Variants in CIT observed in about 807,000 individuals in gnomAD.
The protein encoded by CIT is citron rho-interacting serine/threonine kinase.
In CIT, 79 loss-of-function variants were observed where a neutral mutation model predicts 272.7. The observed-to-expected ratio is 0.29, with a 90% CI of 0.24 to 0.35. The LOEUF (loss-of-function observed/expected upper bound fraction) is 0.35, where lower values mean the gene tolerates loss of function less well. CIT is among the 10% of genes least tolerant of loss of function. The pLI is 1.00. For synonymous variants in CIT, 948 were observed against 995.6 expected, an observed-to-expected ratio of 0.95 and a Z score of 0.90; for missense variants, 1,909 against 2,618.3, an observed-to-expected ratio of 0.73 and a Z score of 5.91.
At chr12:119,735,465 T>C (rs1414223204) in intron 24 of CIT, 108 bp from the exon 25 acceptor site, 1 of 1,087,602 alleles carries the variant, frequency 9.2e-7, no homozygotes, top group Admixed American at 1.9e-5. Context: ...GCAATCAACG[T>C]GCCGCTCATG....
intron 40 of CIT, 123 bp from the exon 41 acceptor site, chr12:119,704,578 G>T (rs547236669): frequency 6.2e-5 from 52 of 834,162 alleles, no homozygotes; most frequent in Admixed American, 3.3e-4. Flanking sequence ...TCTGTGTGGT[G>T]GGGGGAGGGC....
intron 22 of CIT, 72 bp downstream of exon 22, chr12:119,757,299 G>T: frequency 6.4e-7 from 1 of 1,564,538 alleles, no homozygotes. Context: ...ATTGATTTGT[G>T]CTCGAAAGCT....
At chr12:119,732,515 G>A (rs1411870004) in intron 26 of CIT, among the ~76,000 whole-genome samples, 2 of 152,144 alleles carry the variant, frequency 1.3e-5, no homozygotes, top group Non-Finnish European at 2.9e-5. Flanking sequence ...GCTGGAATAG[G>A]AGACTTAAAC....
At chr12:119,711,205 GT>G in intron 37 of CIT, 1 of 799,200 alleles carries the variant, frequency 1.3e-6, no homozygotes, top group Non-Finnish European at 1.9e-6. Context: ...GAGGCTTGTG[GT>G]TAAGAATCTG....
intron 46 of CIT, among the ~76,000 whole-genome samples, chr12:119,693,354 C>T (rs780857355): frequency 6.7e-4 from 102 of 152,166 alleles, no homozygotes; most frequent in South Asian, 1.2e-3. Flanking sequence ...AAGAAGTCAG[C>T]GACCAAAAGA....
chr12:119,763,798 A>C (rs1962105246), intron 19 of CIT, among the ~76,000 whole-genome samples: 1 of 152,250 alleles, frequency 6.6e-6, no homozygotes, highest in South Asian at 2.1e-4. Flanking sequence ...AATGAATTAA[A>C]GGCTTGATCC....
intron 32 of CIT, among the ~76,000 whole-genome samples, chr12:119,716,797 T>A (rs928173458): frequency 1.5e-4 from 23 of 152,172 alleles, no homozygotes; most frequent in African/African-American, 5.6e-4. Flanking sequence ...CAGGATGTCC[T>A]CTGCAAGGTG....
chr12:119,756,518 T>C (rs993361727), intron 22 of CIT, among the ~76,000 whole-genome samples: 10 of 152,292 alleles, frequency 6.6e-5, no homozygotes, highest in African/African-American at 2.4e-4. Flanking sequence ...AGTCCCTCCT[T>C]GGCCCGCGGC....
At chr12:119,813,513 G>A (rs1346690848) in intron 9 of CIT, among the ~76,000 whole-genome samples, 1 of 152,170 alleles carries the variant, frequency 6.6e-6, no homozygotes, top group Admixed American at 6.5e-5. Context: ...TTAGAAAGTT[G>A]GCTGCTGAAT....
intron 9 of CIT, among the ~76,000 whole-genome samples, chr12:119,811,907 T>G (rs1453207420): frequency 6.6e-6 from 1 of 151,610 alleles, no homozygotes; most frequent in Non-Finnish European, 1.5e-5. Flanking sequence ...AATTTGGATA[T>G]ACCCAATTTT....
intron 32 of CIT, among the ~76,000 whole-genome samples, chr12:119,715,871 C>T (rs920473750): frequency 1.4e-4 from 21 of 152,096 alleles, no homozygotes; most frequent in African/African-American, 4.6e-4. Flanking sequence ...ACTGACTATA[C>T]GGTAGGCTCT....
intron 30 of CIT, among the ~76,000 whole-genome samples, chr12:119,720,156 G>A (rs1957751093): frequency 6.6e-6 from 1 of 152,292 alleles, no homozygotes; most frequent in Non-Finnish European, 1.5e-5. Flanking sequence ...GCATGACTTG[G>A]TATAAATCTT....
intron 9 of CIT, among the ~76,000 whole-genome samples, chr12:119,818,245 C>G (rs980654685): frequency 3.9e-5 from 6 of 152,026 alleles, no homozygotes; most frequent in African/African-American, 1.5e-4. Flanking sequence ...ACTTGAATGC[C>G]TAGTGGTTAG....
At chr12:119,842,200 C>G (rs1382467048) in intron 5 of CIT, among the ~76,000 whole-genome samples, 1 of 151,838 alleles carries the variant, frequency 6.6e-6, no homozygotes, top group African/African-American at 2.4e-5. Flanking sequence ...ACCAGCCTGA[C>G]CAATATGGTG....
rs776094992 is a variant in CIT, at chr12:119,685,887, G to A, written c.*2345C>T. 9 of 152,356 alleles carry A rather than the reference G, an allele frequency of 5.9e-5. No individual in the cohort carries two copies. Among genetic ancestry groups the A allele is most frequent in the African/African-American group, 1.4e-4 (6 of 41,390 alleles). 9.4% of individuals were successfully genotyped at this position (152,356 alleles called of 1,614,324 possible). A position where few individuals can be genotyped will look rare whatever the true frequency, so the allele number is the denominator to read the frequency against. ...AATCATTCCTTGTGTTCTCTTCCTC[G>A]TTCTGAATAAAAAAGGTAATGAAGA... On this transcript the variant is annotated 3_prime_UTR_variant, in exon 48 of 48. Transcript: ENST00000392521.
At position 119,690,551 on chromosome 12, in the gene CIT, A is replaced by G; in HGVS notation, c.5883-97T>C. On this transcript the variant is annotated intron_variant, in intron 46 of 47. Transcript: ENST00000392521. This position sits in a 1 kb window ranked among gnomAD's most constrained non-coding sequence, Gnocchi z 6.0. ...GCAACCCCCTCCTTGACCCAGCCTC[A>G]CCACTGATTATCAAGAGATTAGACC... The G allele has an allele frequency of 8.7e-7, 1 of 1,147,546 alleles. No homozygotes were observed. Among genetic ancestry groups the G allele is most frequent in the Non-Finnish European group, 1.2e-6 (1 of 838,144 alleles). 71.1% of individuals were successfully genotyped at this position (1,147,546 alleles called of 1,614,324 possible).
intron 10 of CIT, among the ~76,000 whole-genome samples, 180 bp from the exon 11 acceptor site, chr12:119,785,245 A>G (rs1048112239): frequency 1.3e-5 from 2 of 152,222 alleles, no homozygotes; most frequent in African/African-American, 4.8e-5. Context: ...AGCTGTGAAT[A>G]TATTACCACA....
intron 13 of CIT, among the ~76,000 whole-genome samples, chr12:119,779,155 G>A (rs149092898): frequency 1.9e-3 from 282 of 152,246 alleles, no homozygotes; most frequent in African/African-American, 6.0e-3. Flanking sequence ...GGGAGGCAGA[G>A]GTTGCAGTGA....
chr12:119,869,158 G>GA lies in CIT; in HGVS notation c.139dup (p.Ser47PhefsTer14). The GA allele has an allele frequency of 6.2e-7, 1 of 1,612,916 alleles. No individual in the cohort carries two copies. The highest frequency in any genetic ancestry group is 8.5e-7 in the Non-Finnish European group (1 of 1,179,692). The stretch of plus-strand genomic sequence containing the variant: ...GAGGGCATCTAATATCCCTTCTCGG[G>GA]AAAGAGGAGACATCTGCTGTTGAGT... On this transcript the variant is annotated frameshift_variant, in exon 3 of 48. Coordinates refer to ENST00000392521, the MANE Select transcript of CIT (RefSeq NM_001206999.2). LOFTEE classifies it high-confidence loss of function.
Sources: allele counts gnomAD v4.1 joint callset (sites outside exome capture counted in the v4.1 genomes callset), GRCh38; gene constraint gnomAD v4.1.1; non-coding constraint Gnocchi (gnomAD v3.1); transcripts MANE v1.5; gene names NCBI Gene and HGNC (gene_info 2026-07-23, HGNC 2026-07-21).